MRGPRX3: variants seen among roughly 807,000 people sequenced by gnomAD.
The protein encoded by MRGPRX3 is mas-related G protein-coupled receptor member X3.
Under a neutral mutation model 16.5 loss-of-function variants are expected in MRGPRX3, and 14 were observed. That is an observed-to-expected ratio of 0.85 (90% confidence interval 0.56 to 1.33). The LOEUF (loss-of-function observed/expected upper bound fraction) is 1.33. Ranked by LOEUF, MRGPRX3 falls within the 40% of genes most tolerant of loss-of-function variation. The pLI, the probability that MRGPRX3 is intolerant of heterozygous loss-of-function variation, is 0.00. For synonymous variants in MRGPRX3, 199 were observed against 180.1 expected (o/e 1.10, Z -0.84); for missense variants, 449 against 413.0 (o/e 1.09, Z -0.76).
At chr11:18,135,858 C>A (rs749713580) in intron 1 of MRGPRX3, among the ~76,000 whole-genome samples, 1 of 152,080 alleles carries the variant, frequency 6.6e-6, no homozygotes, top group African/African-American at 2.4e-5. Flanking sequence ...TATAACCCCC[C>A]GGACAAATAA....
chr11:18,127,605 G>A (rs200698613), upstream of MRGPRX3, among the ~76,000 whole-genome samples: 464 of 152,228 alleles, frequency 3.0e-3, no homozygotes, highest in South Asian at 5.4e-3. Flanking sequence ...TTCTCGTGCC[G>A]TGGTTTTCAG....
chr11:18,123,008 T>C (rs1265427469), intron 1 of MRGPRX3, among the ~76,000 whole-genome samples: 1 of 152,206 alleles, frequency 6.6e-6, no homozygotes, highest in Admixed American at 6.5e-5. Flanking sequence ...TCTGTTCATA[T>C]CCTTTGCCCA....
At chr11:18,128,311 A>G (rs528605301), upstream of MRGPRX3, among the ~76,000 whole-genome samples, 1 of 152,322 alleles carries the variant, frequency 6.6e-6, no homozygotes, top group South Asian at 2.1e-4. Flanking sequence ...AAGCTGTCAG[A>G]CAGGGACATT....
upstream of MRGPRX3, among the ~76,000 whole-genome samples, chr11:18,129,540 A>AT (rs1554906618): frequency 3.9e-5 from 6 of 151,932 alleles, no homozygotes; most frequent in Non-Finnish European, 5.9e-5. Flanking sequence ...TTGAAATAAA[A>AT]TTTTTTTTTA....
chr11:18,132,098 A>T (rs562292644), upstream of MRGPRX3, among the ~76,000 whole-genome samples: 32 of 152,336 alleles, frequency 2.1e-4, no homozygotes, highest in South Asian at 2.5e-3. Flanking sequence ...CACAGAATTT[A>T]AAAAAGTTCA....
At position 18,137,601 on chromosome 11, in the gene MRGPRX3, C is replaced by T. The variant is rs775123912; in HGVS notation, c.399C>T (p.Arg133=). 1.9e-6 allele frequency: 3 copies of T among 1,614,204 alleles called. No individual in the cohort carries two copies. The South Asian group carries it at 3.3e-5, about 18-fold the overall frequency. ...SILWPIWYHC[R]RPRYLSSVMC... ...TGTGGCCCATCTGGTACCACTGCCG[C>T]CGCCCCAGATACCTGTCATCAGTCA... is the stretch of plus-strand genomic sequence containing the variant. Residue 133 remains arginine, a synonymous_variant, in exon 2 of 2, where the codon CGC becomes CGT. Transcript: ENST00000621697.
rs1391127968 is a variant in MRGPRX3, at chr11:18,137,607, C to A, written c.405C>A (p.Pro135=). 6.2e-7 allele frequency: 1 copy of A among 1,614,062 alleles called. No individual in the cohort carries two copies. Among genetic ancestry groups the A allele is most frequent in the Non-Finnish European group, 8.5e-7 (1 of 1,180,042 alleles). Residue 135 remains proline, a synonymous_variant, in exon 2 of 2, where the codon CCC becomes CCA. Transcript: ENST00000621697. ...LWPIWYHCRR[P]RYLSSVMCVL... Reference sequence around the variant, plus strand: ...CCATCTGGTACCACTGCCGCCGCCCCAGATACCTGTCATCAGTCATGTGTG... The same window carrying A: ...CCATCTGGTACCACTGCCGCCGCCCAAGATACCTGTCATCAGTCATGTGTG...
Position 18,138,142 on chromosome 11 carries a change from G to A in MRGPRX3, c.940G>A (p.Glu314Lys), listed in dbSNP as rs1849033056. Residue 314 changes from glutamate to lysine, a missense_variant, in exon 2 of 2, where the codon GAG (glutamate) becomes AAG (lysine). Transcript: ENST00000621697. ...GGGWLPQETLELSGSRLEQ is the reference protein window; with the variant it reads ...GGGWLPQETLKLSGSRLEQ ...AGGGTGGCTTCCTCAGGAAACCCTG[G>A]AGCTGTCGGGAAGCAGATTGGAGCA... is the stretch of plus-strand genomic sequence containing the variant. 6.2e-7 allele frequency: 1 copy of A among 1,613,020 alleles called. No homozygotes were observed. The highest frequency in any genetic ancestry group is 1.1e-5 in the South Asian group (1 of 90,990).
chr11:18,123,155 G>T (rs1387160095), intron 1 of MRGPRX3, among the ~76,000 whole-genome samples: 2 of 152,172 alleles, frequency 1.3e-5, no homozygotes, highest in Non-Finnish European at 2.9e-5. Context: ...TGCTCTGATG[G>T]TAGTTTATTT....
Position 18,137,986 on chromosome 11 carries a change from G to A in MRGPRX3, c.784G>A (p.Ala262Thr), listed in dbSNP as rs747457342. The A allele has an allele frequency of 3.7e-6, 6 of 1,613,976 alleles. No homozygotes were observed. The highest frequency in any genetic ancestry group is 3.3e-5 in the Admixed American group (2 of 59,996). ...HVHLVSIFLS[A>T]LNSSANPIIY... ...GCATCTAGTTTCCATTTTCCTGTCCGCTCTTAACAGCAGTGCCAACCCCAT... is the reference window on the plus strand; with the variant it reads ...GCATCTAGTTTCCATTTTCCTGTCCACTCTTAACAGCAGTGCCAACCCCAT... Residue 262 changes from alanine (A) to threonine (T), a missense_variant, in exon 2 of 2, where the codon GCT becomes ACT. Physicochemically the swap from Ala to Thr is moderately conservative, Grantham distance 58 (BLOSUM62 0). Transcript: ENST00000621697.
chr11:18,135,068 G>A (rs548193927), intron 1 of MRGPRX3, among the ~76,000 whole-genome samples: 11 of 152,242 alleles, frequency 7.2e-5, no homozygotes, highest in Admixed American at 2.6e-4. Flanking sequence ...CTGGAGTCTC[G>A]TGCAGGACTC....
At chr11:18,121,284 G>C (rs1409296020) in intron 1 of MRGPRX3, 2 of 159,670 alleles carry the variant, frequency 1.3e-5, no homozygotes, top group Non-Finnish European at 2.7e-5. Context: ...TCTGGGAAGT[G>C]AGGAGCGTCT....
chr11:18,135,400 G>A (rs1184217339), intron 1 of MRGPRX3, among the ~76,000 whole-genome samples: 1 of 151,976 alleles, frequency 6.6e-6, no homozygotes, highest in African/African-American at 2.4e-5. Context: ...TCCTTTTTGG[G>A]CCAATCAGAG....
chr11:18,137,838 C>T lies in MRGPRX3; in HGVS notation c.636C>T (p.Thr212=), dbSNP rs1472248133. The T allele has an allele frequency of 1.2e-6, 2 of 1,614,188 alleles. No individual in the cohort carries two copies. The highest frequency in any genetic ancestry group is 1.7e-5 in the Admixed American group (1 of 60,034). Residue 212 remains threonine (T), a synonymous_variant, in exon 2 of 2, where the codon ACC becomes ACT. Coordinates refer to ENST00000621697, the MANE Select transcript of MRGPRX3 (RefSeq NM_001370464.1). ...ILCGSRKMPL[T]RLYVTILLTV... is the part of the protein sequence containing the mutation. The stretch of plus-strand genomic sequence containing the variant: ...GTGGATCCCGGAAGATGCCGCTGAC[C>T]AGGCTGTACGTGACCATCCTCCTCA...
chr11:18,129,464 A>G (rs531277716), upstream of MRGPRX3, among the ~76,000 whole-genome samples: 1 of 152,234 alleles, frequency 6.6e-6, no homozygotes, highest in Non-Finnish European at 1.5e-5. Flanking sequence ...CTGGAAACAC[A>G]CAAACCTCCT....
upstream of MRGPRX3, among the ~76,000 whole-genome samples, chr11:18,130,058 C>A (rs1287494668): frequency 6.6e-6 from 1 of 152,130 alleles, no homozygotes; most frequent in Non-Finnish European, 1.5e-5. Context: ...ATATGACGGA[C>A]CCACAGCAAA....
At chr11:18,134,944 A>C (rs1400722562) in intron 1 of MRGPRX3, among the ~76,000 whole-genome samples, 1 of 152,122 alleles carries the variant, frequency 6.6e-6, no homozygotes, top group Non-Finnish European at 1.5e-5. Flanking sequence ...CAAAAAAGGA[A>C]ATCTTGGGGC....
upstream of MRGPRX3, among the ~76,000 whole-genome samples, chr11:18,129,521 G>A (rs567284439): frequency 3.3e-5 from 5 of 152,220 alleles, no homozygotes; most frequent in East Asian, 1.9e-4. Flanking sequence ...CCAATAAAAA[G>A]GAATGAGATT....
chr11:18,123,514 T>A (rs1443604759), intron 1 of MRGPRX3, among the ~76,000 whole-genome samples: 1 of 152,210 alleles, frequency 6.6e-6, no homozygotes, highest in African/African-American at 2.4e-5. Flanking sequence ...GTGGCATTAT[T>A]TCTGAGGGCT....
Sources: allele counts gnomAD v4.1 joint callset (sites outside exome capture counted in the v4.1 genomes callset), GRCh38; gene constraint gnomAD v4.1.1; transcripts MANE v1.5; gene names NCBI Gene and HGNC (gene_info 2026-07-23, HGNC 2026-07-21).